MASTL: variants seen among roughly 807,000 people sequenced by gnomAD.
MASTL encodes microtubule associated serine/threonine kinase like, also known as serine/threonine-protein kinase greatwall.
In MASTL, 54 loss-of-function variants were observed where a neutral mutation model predicts 82.5. The observed-to-expected ratio is 0.65, with a 90% CI of 0.53 to 0.82. The LOEUF is 0.82. MASTL is among the 40% of genes least tolerant of loss of function. MASTL has a pLI of 0.00. For missense variants in MASTL, 950 were observed against 1,047.8 expected, an observed-to-expected ratio of 0.91 and a Z score of 1.29; for synonymous variants, 323 against 368.9, an observed-to-expected ratio of 0.88 and a Z score of 1.43.
chr10:27,174,485 A>C (rs1162533502), intron 9 of MASTL, among the ~76,000 whole-genome samples: 1 of 152,158 alleles, frequency 6.6e-6, no homozygotes, highest in South Asian at 2.1e-4. Flanking sequence ...ATGCTGTAGC[A>C]CAAACTGGGT....
chr10:27,161,078 C>T lies in MASTL; in HGVS notation c.465-16C>T. The T allele has an allele frequency of 1.3e-6, 2 of 1,548,944 alleles. No homozygotes were observed. Among genetic ancestry groups the T allele is most frequent in the Non-Finnish European group, 1.8e-6 (2 of 1,121,082 alleles). On this transcript the variant is annotated splice_polypyrimidine_tract_variant and intron_variant, in intron 3 of 11. Coordinates refer to ENST00000375940, the MANE Select transcript of MASTL (RefSeq NM_001172303.3). ...CCCTTTTTTGGTTATCTAATATTTG[C>T]CTTTTGTGTGTGCAGGGACTTGAAA... is the stretch of plus-strand genomic sequence containing the variant.
intron 11 of MASTL, 122 bp from the exon 12 acceptor site, chr10:27,186,257 A>G (rs2058739390): frequency 9.8e-7 from 1 of 1,016,490 alleles, no homozygotes; most frequent in African/African-American, 1.6e-5. Flanking sequence ...AATGTCTGTG[A>G]AACTGACATA....
chr10:27,173,055 A>G, intron 8 of MASTL, 63 bp from the exon 9 acceptor site: 1 of 1,591,562 alleles, frequency 6.3e-7, no homozygotes. Context: ...GTGTTTCACC[A>G]TTTTCTATTC....
chr10:27,176,695 C>T (rs1327569109), intron 9 of MASTL, among the ~76,000 whole-genome samples: 5 of 152,170 alleles, frequency 3.3e-5, no homozygotes, highest in Non-Finnish European at 7.3e-5. Context: ...ATCCCTTGAT[C>T]AACTACTGGG....
chr10:27,166,997 A>G (rs112666001), intron 6 of MASTL, 105 bp from the exon 7 acceptor site: 3 of 133,098 alleles, frequency 2.3e-5, no homozygotes, highest in Non-Finnish European at 3.2e-5. Context: ...AATACATATT[A>G]ATATGTAATT....
rs767997665 is a variant in MASTL at position 27,187,501 on chromosome 10, C to T, written c.*965C>T. On this transcript the variant is annotated 3_prime_UTR_variant, in exon 12 of 12. Transcript: ENST00000375940. ...GTGCGATGGCTCATGCCTGTAATCC[C>T]GGCACTTTGGGAGGCTGAGGCAGGC... Among the ~76,000 whole-genome samples, 19 of 152,128 alleles carry T rather than the reference C, an allele frequency of 1.2e-4. No individual in the cohort carries two copies. Among genetic ancestry groups the T allele is most frequent in the African/African-American group, 1.7e-4 (7 of 41,422 alleles).
At chr10:27,184,314 A>G (rs1248292605) in intron 11 of MASTL, among the ~76,000 whole-genome samples, 1 of 152,130 alleles carries the variant, frequency 6.6e-6, no homozygotes, top group Admixed American at 6.6e-5. Flanking sequence ...TTGAGCAGAA[A>G]CCTGTGTAAA....
Position 27,170,151 on chromosome 10 carries a change from T to C in MASTL, c.1192T>C (p.Ser398Pro). The C allele has an allele frequency of 6.2e-7, 1 of 1,614,202 alleles. No homozygotes were observed. Among genetic ancestry groups the C allele is most frequent in the Non-Finnish European group, 8.5e-7 (1 of 1,180,028 alleles). Residue 398 changes from serine (S) to proline (P), a missense_variant, in exon 8 of 12, where the codon TCT becomes CCT. Transcript: ENST00000375940. ...TAAAAAATGCTTCTCTGGGGAAGTT[T>C]CTTGGGAAGCAGTAGAACTGGATGT... Reference protein sequence around the residue: ...LAKKCFSGEVSWEAVELDVNN... With the variant: ...LAKKCFSGEVPWEAVELDVNN...
Position 27,165,158 on chromosome 10 carries a change from C to T in MASTL, c.648C>T (p.Ser216=). ...RTPGQVLSLI[S]SLGFNTPIAE... is the part of the protein sequence containing the mutation. ...CAGGACAAGTGTTATCGCTTATCAG[C>T]TCGTTGGGATTTGTAAGTACTTGAG... Residue 216 remains serine (S), a synonymous_variant, in exon 5 of 12, where the codon AGC becomes AGT. Transcript: ENST00000375940. The T allele has an allele frequency of 9.3e-6, 15 of 1,611,302 alleles. No homozygotes were observed. The highest frequency in any genetic ancestry group is 1.3e-5 in the Non-Finnish European group (15 of 1,177,504).
At chr10:27,178,848 TACTA>T (rs1263020160) in intron 9 of MASTL, among the ~76,000 whole-genome samples, 13 of 152,180 alleles carry the variant, frequency 8.5e-5, no homozygotes, top group African/African-American at 2.4e-5. Context: ...TTGAAAGGCC[TACTA>T]ACTGAGGTGG....
intron 6 of MASTL, among the ~76,000 whole-genome samples, 163 bp from the exon 7 acceptor site, chr10:27,166,939 G>T (rs371036697): frequency 5.1e-4 from 78 of 151,542 alleles, no homozygotes; most frequent in African/African-American, 1.8e-3. Context: ...AGCTGTTCTT[G>T]TGGACTAGAT....
chr10:27,162,713 C>CG (rs2057612391), intron 4 of MASTL, among the ~76,000 whole-genome samples: 1 of 151,538 alleles, frequency 6.6e-6, no homozygotes, highest in Non-Finnish European at 1.5e-5. Context: ...AAAGTGTAGA[C>CG]GGATGGGAAA....
chr10:27,161,013 T>G (rs2135982989), intron 3 of MASTL, 81 bp from the exon 4 acceptor site: 2 of 931,374 alleles, frequency 2.1e-6, no homozygotes, highest in East Asian at 4.8e-5. Flanking sequence ...TTGCCTCCTT[T>G]GTAACTCTTT....
chr10:27,173,794 G>A (rs1326053088), intron 9 of MASTL, among the ~76,000 whole-genome samples: 2 of 151,808 alleles, frequency 1.3e-5, no homozygotes, highest in African/African-American at 4.8e-5. Context: ...AGCCAGACTG[G>A]TCTTTAACTC....
chr10:27,155,324 C>T, upstream of MASTL: 1 of 1,238,912 alleles, frequency 8.1e-7, no homozygotes, highest in South Asian at 1.5e-5. Flanking sequence ...GGTGACGTCA[C>T]GGCCGCGCGC....
chr10:27,159,485 A>G lies in MASTL; in HGVS notation c.325-134A>G. ...ACATGAATAAACCTAGTATTAATGT[A>G]TTACGAGTAATAGCAAGAAAAGGTC... On this transcript the variant is annotated intron_variant, in intron 2 of 11. Coordinates refer to ENST00000375940, the MANE Select transcript of MASTL (RefSeq NM_001172303.3). The surrounding 1 kb of genome is among the most constrained non-coding windows in gnomAD (Gnocchi z 4.0). 1 of 640,454 alleles carries G rather than the reference A, an allele frequency of 1.6e-6. No homozygotes were observed. The allele number at this position is 640,454 out of a possible 1,614,324, so 39.7% of individuals were successfully genotyped here. A position where few individuals can be genotyped will look rare whatever the true frequency, so the allele number is the denominator to read the frequency against.
intron 8 of MASTL, among the ~76,000 whole-genome samples, chr10:27,171,825 C>CTTTTT (rs112511530): frequency 0.061 from 5,704 of 93,450 alleles, 767 homozygotes; most frequent in African/African-American, 0.14. Flanking sequence ...AAATATGTTT[C>CTTTTT]TTTTTTTTTT....
chr10:27,173,187 C>G lies in MASTL; in HGVS notation c.2194C>G (p.Pro732Ala), dbSNP rs1427542263. The G allele has an allele frequency of 6.2e-7, 1 of 1,613,982 alleles. No individual in the cohort carries two copies. Among genetic ancestry groups the G allele is most frequent in the Non-Finnish European group, 8.5e-7 (1 of 1,180,030 alleles). ...TPKSVRRGVA[P>A]VDDGRILGTP... ...GAAGAGTGTGAGAAGAGGGGTGGCC[C>G]CCGTTGATGATGGGCGAATTCTAGG... The change falls in exon 9 of 12, where the codon CCC becomes GCC. Residue 732 changes from proline (P) to alanine (A), a missense_variant. Coordinates refer to ENST00000375940, the MANE Select transcript of MASTL (RefSeq NM_001172303.3).
chr10:27,157,389 G>A, intron 1 of MASTL, among the ~76,000 whole-genome samples: 1 of 152,098 alleles, frequency 6.6e-6, no homozygotes, highest in Non-Finnish European at 1.5e-5. Flanking sequence ...CAACAATGGG[G>A]AACAAAACAC....
Sources: allele counts gnomAD v4.1 joint callset (sites outside exome capture counted in the v4.1 genomes callset), GRCh38; gene constraint gnomAD v4.1.1; non-coding constraint Gnocchi (gnomAD v3.1); transcripts MANE v1.5; gene names NCBI Gene and HGNC (gene_info 2026-07-23, HGNC 2026-07-21).